CNTN3: variants seen among roughly 807,000 people sequenced by gnomAD.
CNTN3 encodes contactin 3.
A neutral mutation model predicts 119.1 loss-of-function variants in CNTN3; 60 were observed. The observed-to-expected ratio is 0.50, with a 90% CI of 0.41 to 0.62. The LOEUF (loss-of-function observed/expected upper bound fraction) is 0.62, where lower values mean the gene tolerates loss of function less well. Ranked by LOEUF, CNTN3 falls within the 20% of genes least tolerant of loss-of-function variation. The pLI is 0.00. For synonymous variants in CNTN3, 450 were observed against 438.7 expected (o/e 1.03, Z -0.32); for missense variants, 1,101 against 1,242.4 (o/e 0.89, Z 1.71).
intron 6 of CNTN3, among the ~76,000 whole-genome samples, chr3:74,370,397 A>AT (rs1325470845): frequency 6.6e-6 from 1 of 152,138 alleles, no homozygotes. Context: ...TGTGTATTCA[A>AT]TTTTGACATT....
intron 20 of CNTN3, among the ~76,000 whole-genome samples, chr3:74,275,822 T>G (rs1306248012): frequency 3.3e-5 from 5 of 152,124 alleles, no homozygotes; most frequent in Non-Finnish European, 7.4e-5. Flanking sequence ...ATGGGCTAAA[T>G]GCTCCACTTA....
intron 11 of CNTN3, among the ~76,000 whole-genome samples, chr3:74,356,527 G>A: frequency 6.6e-6 from 1 of 152,028 alleles, no homozygotes; most frequent in East Asian, 1.9e-4. Context: ...TATTGTACCT[G>A]TCCTGTTACC....
intron 4 of CNTN3, among the ~76,000 whole-genome samples, chr3:74,430,382 C>G (rs1005271990): frequency 6.6e-6 from 1 of 152,086 alleles, no homozygotes; most frequent in Non-Finnish European, 1.5e-5. Context: ...CTGAAATATG[C>G]CAATTCCAAA....
chr3:74,340,397 A>G (rs1703505339), intron 11 of CNTN3, among the ~76,000 whole-genome samples: 1 of 152,090 alleles, frequency 6.6e-6, no homozygotes, highest in Admixed American at 6.6e-5. Context: ...GGAGAGACTG[A>G]AGATAATGGG....
At chr3:74,327,341 C>G (rs1291385975) in intron 13 of CNTN3, among the ~76,000 whole-genome samples, 2 of 151,766 alleles carry the variant, frequency 1.3e-5, no homozygotes, top group Non-Finnish European at 2.9e-5. Context: ...GTTGGTCAGG[C>G]TGGTCTCGAA....
At chr3:74,556,204 A>C (rs1290929918) in intron 1 of CNTN3, among the ~76,000 whole-genome samples, 1 of 152,186 alleles carries the variant, frequency 6.6e-6, no homozygotes, top group Non-Finnish European at 1.5e-5. Context: ...TCAATGGTTT[A>C]TAGTATGTTC....
chr3:74,521,222 T>TAAAAAAAAAAAAAAA (rs59140298), intron 1 of CNTN3, 30 bp from the exon 2 acceptor site: 2 of 306,202 alleles, frequency 6.5e-6, no homozygotes, highest in African/African-American at 2.4e-5. Context: ...AGAAGTTCGT[T>TAAAAAAAAAAAAAAA]AAAAAAAAAA....
intron 1 of CNTN3, among the ~76,000 whole-genome samples, chr3:74,606,992 G>A (rs1183267886): frequency 1.3e-5 from 2 of 152,086 alleles, no homozygotes; most frequent in Non-Finnish European, 2.9e-5. Context: ...TGAATAAAAG[G>A]AGAAACTTGG....
At chr3:74,484,652 G>T (rs1157366185) in intron 4 of CNTN3, among the ~76,000 whole-genome samples, 3 of 152,014 alleles carry the variant, frequency 2.0e-5, no homozygotes, top group Non-Finnish European at 4.4e-5. Context: ...CTAGAAAGAT[G>T]AAGAAAAAAT....
chr3:74,456,623 C>G (rs1469171877), intron 4 of CNTN3, among the ~76,000 whole-genome samples: 1 of 152,092 alleles, frequency 6.6e-6, no homozygotes, highest in African/African-American at 2.4e-5. Context: ...GACATTCGCA[C>G]AGGTGGCAGG....
At chr3:74,523,577 T>C (rs913943176) in intron 1 of CNTN3, among the ~76,000 whole-genome samples, 1 of 151,732 alleles carries the variant, frequency 6.6e-6, no homozygotes, top group Non-Finnish European at 1.5e-5. Context: ...ATACACGAAA[T>C]CTAACTTAGA....
chr3:74,391,557 C>CTTTTTTTT (rs554976641), intron 5 of CNTN3, among the ~76,000 whole-genome samples: 4 of 87,028 alleles, frequency 4.6e-5, no homozygotes, highest in Middle Eastern at 7.8e-3. Context: ...CCCATAGTTT[C>CTTTTTTTT]TTTTTTTTTT....
intron 1 of CNTN3, among the ~76,000 whole-genome samples, chr3:74,558,851 G>A (rs1704108923): frequency 6.6e-6 from 1 of 151,878 alleles, no homozygotes; most frequent in African/African-American, 2.4e-5. Flanking sequence ...AGGTGTGATG[G>A]CATACACATG....
intron 1 of CNTN3, among the ~76,000 whole-genome samples, chr3:74,523,987 G>A (rs1301565627): frequency 6.6e-6 from 1 of 151,892 alleles, no homozygotes; most frequent in Non-Finnish European, 1.5e-5. Context: ...TCACTCAGGA[G>A]ATTAAATCTT....
At chr3:74,488,159 T>C (rs1020054802) in intron 3 of CNTN3, among the ~76,000 whole-genome samples, 1 of 152,002 alleles carries the variant, frequency 6.6e-6, no homozygotes, top group Non-Finnish European at 1.5e-5. Flanking sequence ...TCTCCCAGGC[T>C]GGAGTGTAGG....
chr3:74,433,071 A>C (rs917066329), intron 4 of CNTN3, among the ~76,000 whole-genome samples: 2 of 152,160 alleles, frequency 1.3e-5, no homozygotes, highest in Middle Eastern at 3.2e-3. Context: ...AGGAAAATTC[A>C]ACATCTGGGT....
At chr3:74,346,426 G>A (rs1000171811) in intron 11 of CNTN3, among the ~76,000 whole-genome samples, 6 of 151,642 alleles carry the variant, frequency 4.0e-5, no homozygotes, top group African/African-American at 1.2e-4. Context: ...ACTCAAAAAG[G>A]GTCAGATACT....
intron 11 of CNTN3, among the ~76,000 whole-genome samples, chr3:74,354,854 G>A (rs918786486): frequency 1.3e-5 from 2 of 152,050 alleles, no homozygotes; most frequent in African/African-American, 4.8e-5. Context: ...CATTAAATGA[G>A]GCTGTAACAC....
chr3:74,594,856 C>A (rs1227120486), intron 1 of CNTN3, among the ~76,000 whole-genome samples: 1 of 151,768 alleles, frequency 6.6e-6, no homozygotes, highest in Admixed American at 6.6e-5. Context: ...GTTCTAGATC[C>A]CTGAGGAATC....
Sources: allele counts gnomAD v4.1 joint callset (sites outside exome capture counted in the v4.1 genomes callset), GRCh38; gene constraint gnomAD v4.1.1; transcripts MANE v1.5; gene names NCBI Gene and HGNC (gene_info 2026-07-23, HGNC 2026-07-21).